The following PICALM variants were observed in gnomAD, a reference collection of about 807,000 sequenced individuals.
PICALM encodes phosphatidylinositol binding clathrin assembly protein.
In PICALM, 40 loss-of-function variants were observed where a neutral mutation model predicts 80.5. The ratio of observed to expected loss-of-function variants is 0.50; its 90% CI spans 0.39 to 0.65. PICALM has a LOEUF of 0.65. Among genes scored for constraint, PICALM ranks in the 30% least tolerant of loss-of-function variants. The pLI is 0.00. For synonymous variants in PICALM, 288 were observed against 260.3 expected (o/e 1.11, Z -1.02); for missense variants, 676 against 778.9 (o/e 0.87, Z 1.57).
intron 12 of PICALM, among the ~76,000 whole-genome samples, chr11:85,996,430 A>G (rs537510351): frequency 2.0e-5 from 3 of 152,232 alleles, no homozygotes; most frequent in Non-Finnish European, 2.9e-5. Flanking sequence ...TATTAGAACT[A>G]TATCATATAC....
At chr11:85,985,428 G>A (rs2094547541) in intron 13 of PICALM, among the ~76,000 whole-genome samples, 3 of 152,094 alleles carry the variant, frequency 2.0e-5, no homozygotes, top group Non-Finnish European at 2.9e-5. Context: ...CACATTTTTA[G>A]AGAATGTACC....
At chr11:86,027,884 T>C (rs927391816) in intron 2 of PICALM, among the ~76,000 whole-genome samples, 11 of 152,112 alleles carry the variant, frequency 7.2e-5, no homozygotes, top group African/African-American at 2.4e-4. Flanking sequence ...TGAAAATCAA[T>C]GTGTAAACTG....
intron 14 of PICALM, chr11:85,982,257 TA>T: frequency 2.6e-6 from 1 of 381,224 alleles, no homozygotes; most frequent in Non-Finnish European, 4.9e-6. Flanking sequence ...TTAAAGGGGA[TA>T]AGAGAGAAGT....
intron 12 of PICALM, among the ~76,000 whole-genome samples, chr11:85,994,597 G>A (rs1351873952): frequency 1.3e-5 from 2 of 152,150 alleles, no homozygotes; most frequent in African/African-American, 4.8e-5. Context: ...CCTTTGCTTT[G>A]TCATATACTA....
intron 1 of PICALM, among the ~76,000 whole-genome samples, chr11:86,057,505 T>G (rs554950184): frequency 2.2e-4 from 34 of 152,070 alleles, no homozygotes; most frequent in Non-Finnish European, 3.7e-4. Context: ...GCCATTGCAC[T>G]CCAGCCTGGG....
At chr11:86,065,899 C>G (rs976118765) in intron 1 of PICALM, among the ~76,000 whole-genome samples, 1 of 152,072 alleles carries the variant, frequency 6.6e-6, no homozygotes, top group Admixed American at 6.5e-5. Context: ...TGACAGAAAC[C>G]ACCTCCACAC....
rs1283524583 is a variant in PICALM, at chr11:86,042,147, C to T, written c.131-10536G>A. On this transcript the variant is annotated intron_variant, in intron 1 of 19. Coordinates refer to ENST00000393346, the MANE Select transcript of PICALM (RefSeq NM_007166.4). ...AGATGCATTCAGGCTCATCTGTAAA[C>T]CACATTCTTAAATCTGAGATTGTTT... is the stretch of plus-strand genomic sequence containing the variant. Among the ~76,000 whole-genome samples, 3 of 152,050 alleles carry T rather than the reference C, an allele frequency of 2.0e-5. No individual in the cohort carries two copies. The East Asian group carries it at 5.8e-4, about 29-fold the overall frequency.
At chr11:86,059,612 T>C (rs1288407311) in intron 1 of PICALM, among the ~76,000 whole-genome samples, 7 of 152,098 alleles carry the variant, frequency 4.6e-5, no homozygotes, top group Admixed American at 4.6e-4. Flanking sequence ...CCCCTTTCTC[T>C]TTAGCAGGGC....
intron 4 of PICALM, among the ~76,000 whole-genome samples, chr11:86,019,959 AG>A (rs1565437295): frequency 1.3e-5 from 2 of 152,192 alleles, no homozygotes; most frequent in Non-Finnish European, 2.9e-5. Context: ...ATTCCCTTCA[AG>A]ACAGGTCTTC....
chr11:86,066,586 T>A (rs1565624869), intron 1 of PICALM, among the ~76,000 whole-genome samples: 1 of 152,114 alleles, frequency 6.6e-6, no homozygotes. Context: ...ACCTATTTTC[T>A]CCTCTTTTTG....
chr11:85,977,183 C>A (rs143057595), intron 17 of PICALM, among the ~76,000 whole-genome samples: 3 of 152,132 alleles, frequency 2.0e-5, no homozygotes, highest in African/African-American at 7.2e-5. Flanking sequence ...TCACTCTTTT[C>A]AAAAAACTCC....
chr11:85,992,220 A>G (rs894249226), intron 12 of PICALM, among the ~76,000 whole-genome samples: 5 of 151,836 alleles, frequency 3.3e-5, no homozygotes, highest in African/African-American at 4.8e-5. Context: ...TTCTTCTTGC[A>G]TAAGAAAGGA....
At chr11:85,960,199 C>T (rs1158911857) in intron 19 of PICALM, among the ~76,000 whole-genome samples, 1 of 73,454 alleles carries the variant, frequency 1.4e-5, no homozygotes, top group Non-Finnish European at 2.7e-5. Context: ...CTTAAACTGC[C>T]CATCCAAAGA....
intron 6 of PICALM, among the ~76,000 whole-genome samples, chr11:86,011,729 A>T (rs1179122032): frequency 2.6e-5 from 4 of 152,208 alleles, no homozygotes; most frequent in East Asian, 1.9e-4. Context: ...TAAATTTTTT[A>T]AAAGTTCATT....
At chr11:85,986,580 C>T (rs1040479060) in intron 13 of PICALM, among the ~76,000 whole-genome samples, 2 of 150,650 alleles carry the variant, frequency 1.3e-5, no homozygotes, top group African/African-American at 2.4e-5. Flanking sequence ...TTAGTAGAGA[C>T]GGGGTTTCAC....
chr11:85,974,698 T>C lies in PICALM; in HGVS notation c.1944+10A>G. 1.3e-6 allele frequency: 2 copies of C among 1,491,620 alleles called. No individual in the cohort carries two copies. The allele number at this position is 1,491,620 out of a possible 1,614,324, so 92.4% of individuals were successfully genotyped here. The stretch of plus-strand genomic sequence containing the variant: ...AACACATTACCACAGTTACATGTAG[T>C]GTGTAATACCTGTGCTCCTGATACA... On this transcript the variant is annotated intron_variant, in intron 19 of 19. Transcript: ENST00000393346.
chr11:86,000,905 C>T (rs752270194), intron 10 of PICALM, 126 bp from the exon 11 acceptor site: 20 of 1,479,242 alleles, frequency 1.4e-5, no homozygotes, highest in Non-Finnish European at 1.7e-5. Flanking sequence ...TATGTCAGGA[C>T]GAAAAGTTAG....
chr11:85,985,650 CTTATTGG>C (rs1449058210), intron 13 of PICALM, among the ~76,000 whole-genome samples: 4 of 143,652 alleles, frequency 2.8e-5, no homozygotes, highest in Admixed American at 2.1e-4. Flanking sequence ...ATGCCATCAG[CTTATTGG>C]TTGTTCTCTT....
intron 1 of PICALM, among the ~76,000 whole-genome samples, chr11:86,065,947 AT>A (rs1419655490): frequency 6.6e-6 from 1 of 152,172 alleles, no homozygotes; most frequent in African/African-American, 2.4e-5. Context: ...TCCTAAGCAT[AT>A]TTTTTGTTAA....
Sources: gnomAD v4.1 joint callset for allele counts (sites outside exome capture counted in the v4.1 genomes callset) on GRCh38, gnomAD v4.1.1 for gene constraint, MANE v1.5 for transcripts, NCBI Gene and HGNC (gene_info 2026-07-23, HGNC 2026-07-21) for gene names.